LRRC3B: variants seen among roughly 807,000 people sequenced by gnomAD.
LRRC3B encodes leucine rich repeat containing 3B, also known as leucine-rich repeat-containing protein 3B.
LRRC3B carries 2 observed loss-of-function variants against 12.8 expected under a neutral mutation model. The ratio of observed to expected loss-of-function variants is 0.16; its 90% CI spans 0.06 to 0.49. The LOEUF (loss-of-function observed/expected upper bound fraction) is 0.49. Among genes scored for constraint, LRRC3B ranks in the 20% least tolerant of loss-of-function variants. The pLI is 0.96. For synonymous variants in LRRC3B, 132 were observed against 122.0 expected, an observed-to-expected ratio of 1.08 and a Z score of -0.54; for missense variants, 189 against 319.4, an observed-to-expected ratio of 0.59 and a Z score of 3.11.
At chr3:26,667,832 C>T (rs1414114824) in intron 1 of LRRC3B, among the ~76,000 whole-genome samples, 1 of 152,032 alleles carries the variant, frequency 6.6e-6, no homozygotes, top group Non-Finnish European at 1.5e-5. Flanking sequence ...TGAGCCCGGG[C>T]ATTGGGAGGC....
intron 1 of LRRC3B, among the ~76,000 whole-genome samples, chr3:26,628,817 C>G (rs189654303): frequency 7.1e-6 from 1 of 141,212 alleles, no homozygotes; most frequent in East Asian, 2.2e-4. Context: ...CCATTTAGTT[C>G]TTTCAAAATA....
At chr3:26,688,275 C>T (rs1375376620) in intron 1 of LRRC3B, among the ~76,000 whole-genome samples, 1 of 152,202 alleles carries the variant, frequency 6.6e-6, no homozygotes, top group Non-Finnish European at 1.5e-5. Context: ...AGCAGGCACA[C>T]ATTTTAAATA....
At chr3:26,673,765 T>C (rs1699801388) in intron 1 of LRRC3B, among the ~76,000 whole-genome samples, 1 of 152,162 alleles carries the variant, frequency 6.6e-6, no homozygotes, top group African/African-American at 2.4e-5. Context: ...AACAGCCTCC[T>C]CCACTGAAAC....
At chr3:26,667,694 T>C (rs915167346) in intron 1 of LRRC3B, among the ~76,000 whole-genome samples, 3 of 152,176 alleles carry the variant, frequency 2.0e-5, no homozygotes, top group Non-Finnish European at 4.4e-5. Context: ...ATATTTTCTT[T>C]TTATATCTCA....
At position 26,647,777 on chromosome 3, in the gene LRRC3B, G is replaced by C. The variant is rs185678728; in HGVS notation, c.-161+24540G>C. ...AGCTTGGAAATTGCCACTAGGCAAA[G>C]AATTTGCAGGTGTAAACTTCAATCC... On this transcript the variant is annotated intron_variant, in intron 1 of 1. Transcript: ENST00000396641. Among the ~76,000 whole-genome samples, 426 of 152,326 alleles carry C rather than the reference G, an allele frequency of 2.8e-3. 1 individual carries two copies. The highest frequency in any genetic ancestry group is 4.6e-3 in the Non-Finnish European group (313 of 68,018).
At chr3:26,623,840 G>T (rs1698561850) in intron 1 of LRRC3B, 1 of 152,416 alleles carries the variant, frequency 6.6e-6, no homozygotes, top group South Asian at 2.1e-4. Flanking sequence ...GCTGTGCGCC[G>T]TGGGAACTGC....
chr3:26,707,383 TAATA>T (rs964243952), intron 1 of LRRC3B, among the ~76,000 whole-genome samples: 3 of 151,758 alleles, frequency 2.0e-5, no homozygotes, highest in Admixed American at 1.3e-4. Flanking sequence ...AAAAATAAAA[TAATA>T]AATAAATAAA....
chr3:26,687,146 A>G (rs1700104629), intron 1 of LRRC3B, among the ~76,000 whole-genome samples: 1 of 152,072 alleles, frequency 6.6e-6, no homozygotes, highest in African/African-American at 2.4e-5. Flanking sequence ...AAGTGCAGGG[A>G]GAAAAAGACA....
chr3:26,636,839 TGCCTCCCTCCCTCCCTCCCTCCCTC>T (rs1698887311), intron 1 of LRRC3B, among the ~76,000 whole-genome samples: 1 of 54,908 alleles, frequency 1.8e-5, no homozygotes, highest in Non-Finnish European at 3.2e-5. Flanking sequence ...CCTCCCTCCC[TGCCTCCCTCCCTCCCTCCCTCCCTC>T]CCTTCCTTCC....
intron 1 of LRRC3B, among the ~76,000 whole-genome samples, chr3:26,669,766 A>AT (rs980980452): frequency 1.3e-5 from 2 of 152,132 alleles, no homozygotes; most frequent in Non-Finnish European, 2.9e-5. Flanking sequence ...GTGAAAGATG[A>AT]TTTTTTTGGA....
chr3:26,696,983 A>G (rs955191180), intron 1 of LRRC3B, among the ~76,000 whole-genome samples: 1 of 152,172 alleles, frequency 6.6e-6, no homozygotes, highest in African/African-American at 2.4e-5. Flanking sequence ...ACCATTTTGT[A>G]ATCTGATGTT....
At chr3:26,662,006 T>C (rs568976063) in intron 1 of LRRC3B, among the ~76,000 whole-genome samples, 1 of 152,296 alleles carries the variant, frequency 6.6e-6, no homozygotes, top group South Asian at 2.1e-4. Context: ...CTGAGTGTTC[T>C]GGGGCTCCTC....
chr3:26,636,254 T>C (rs1329373786), intron 1 of LRRC3B, among the ~76,000 whole-genome samples: 9 of 152,106 alleles, frequency 5.9e-5, no homozygotes. Flanking sequence ...AGAGAGAGAA[T>C]TACAGGAAGG....
At chr3:26,686,317 G>A (rs11129240) in intron 1 of LRRC3B, among the ~76,000 whole-genome samples, 30,995 of 152,116 alleles carry the variant, frequency 0.2, 3,423 homozygotes, top group Admixed American at 0.3. Context: ...CTGGCCTCGT[G>A]ATCCGCCTGC....
At chr3:26,628,626 C>G (rs1698683667) in intron 1 of LRRC3B, among the ~76,000 whole-genome samples, 1 of 151,288 alleles carries the variant, frequency 6.6e-6, no homozygotes, top group Admixed American at 6.6e-5. Flanking sequence ...GATGGAAGCT[C>G]TGAGATGTTA....
intron 1 of LRRC3B, among the ~76,000 whole-genome samples, chr3:26,639,152 T>C (rs1698965782): frequency 6.6e-6 from 1 of 152,214 alleles, no homozygotes; most frequent in African/African-American, 2.4e-5. Flanking sequence ...GCCACTTGTG[T>C]AATTTAAAAT....
intron 1 of LRRC3B, among the ~76,000 whole-genome samples, chr3:26,669,665 T>C (rs1235713610): frequency 6.6e-6 from 1 of 152,220 alleles, no homozygotes; most frequent in Non-Finnish European, 1.5e-5. Context: ...AAAAGAGGTT[T>C]CCTATTTGCC....
intron 1 of LRRC3B, among the ~76,000 whole-genome samples, chr3:26,634,275 C>G (rs1028296210): frequency 2.0e-5 from 3 of 152,196 alleles, no homozygotes; most frequent in Non-Finnish European, 4.4e-5. Flanking sequence ...TGCAAAGAAT[C>G]AGACAAGTGT....
At chr3:26,625,549 T>G (rs1159486573) in intron 1 of LRRC3B, 1 of 152,220 alleles carries the variant, frequency 6.6e-6, no homozygotes. Flanking sequence ...TCCACGAGAT[T>G]TAGCTCTGAC....
Sources: allele counts gnomAD v4.1 joint callset (sites outside exome capture counted in the v4.1 genomes callset), GRCh38; gene constraint gnomAD v4.1.1; transcripts MANE v1.5; gene names NCBI Gene and HGNC (gene_info 2026-07-23, HGNC 2026-07-21).